The following AGO2 variants were observed in gnomAD, a reference collection of about 807,000 sequenced individuals.
AGO2 encodes argonaute RISC catalytic component 2.
A neutral mutation model predicts 102.3 loss-of-function variants in AGO2; 5 were observed. That is an observed-to-expected ratio of 0.05 (90% confidence interval 0.03 to 0.10). The LOEUF (loss-of-function observed/expected upper bound fraction) is 0.10. Among genes scored for constraint, AGO2 ranks in the 10% least tolerant of loss-of-function variants. The pLI is 1.00. For synonymous variants in AGO2, 449 were observed against 473.1 expected, an observed-to-expected ratio of 0.95 and a Z score of 0.66; for missense variants, 541 against 1,183.7, an observed-to-expected ratio of 0.46 and a Z score of 7.97.
At chr8:140,545,166 A>C in intron 13 of AGO2, among the ~76,000 whole-genome samples, 1 of 151,284 alleles carries the variant, frequency 6.6e-6, no homozygotes, top group South Asian at 2.1e-4. Context: ...ACATCCTCTC[A>C]CTCCCATCGC....
At chr8:140,554,425 C>T (rs939300801) in intron 10 of AGO2, among the ~76,000 whole-genome samples, 32 of 152,302 alleles carry the variant, frequency 2.1e-4, no homozygotes, top group African/African-American at 7.7e-4. Flanking sequence ...GGACAAGACA[C>T]ACACGAACAG....
At chr8:140,542,350 C>T (rs2072815369) in intron 14 of AGO2, among the ~76,000 whole-genome samples, 1 of 152,252 alleles carries the variant, frequency 6.6e-6, no homozygotes, top group African/African-American at 2.4e-5. Flanking sequence ...TAAATCCTTA[C>T]AGAACAAGTT....
chr8:140,568,103 CAAAAAAAAA>C (rs553804959), intron 3 of AGO2, among the ~76,000 whole-genome samples: 2 of 110,652 alleles, frequency 1.8e-5, no homozygotes, highest in African/African-American at 3.6e-5. Flanking sequence ...ACTAAAAATA[CAAAAAAAAA>C]AAAAAAAAAA....
At chr8:140,641,295 A>AACACACAC in the AGO2 span, among the ~76,000 whole-genome samples, 448 of 146,966 alleles carry the variant, frequency 3.0e-3, 2 homozygotes, top group African/African-American at 0.01. Context: ...GCTGTCTCAA[A>AACACACAC]ACACACACAC....
At chr8:140,542,404 C>T (rs547436746) in intron 14 of AGO2, among the ~76,000 whole-genome samples, 27 of 152,226 alleles carry the variant, frequency 1.8e-4, no homozygotes, top group African/African-American at 6.5e-4. Flanking sequence ...CTTTGTCCTG[C>T]CTTGGGCTAT....
intron 14 of AGO2, among the ~76,000 whole-genome samples, chr8:140,542,571 T>C (rs2072818884): frequency 7.0e-6 from 1 of 143,490 alleles, no homozygotes; most frequent in Non-Finnish European, 1.5e-5. Context: ...TCCTGAAAAC[T>C]TGAAAAAAAA....
At chr8:140,575,761 T>C (rs2073454408) in intron 2 of AGO2, among the ~76,000 whole-genome samples, 1 of 152,190 alleles carries the variant, frequency 6.6e-6, no homozygotes, top group Non-Finnish European at 1.5e-5. Context: ...TAAATCATCA[T>C]GTCAAAGTTC....
chr8:140,580,375 T>G (rs2073537546), intron 2 of AGO2, among the ~76,000 whole-genome samples: 1 of 152,240 alleles, frequency 6.6e-6, no homozygotes, highest in African/African-American at 2.4e-5. Flanking sequence ...TCATTAAACA[T>G]CTACCCGGGG....
At chr8:140,537,113 G>A (rs953254630) in intron 16 of AGO2, among the ~76,000 whole-genome samples, 1 of 152,136 alleles carries the variant, frequency 6.6e-6, no homozygotes, top group Non-Finnish European at 1.5e-5. Flanking sequence ...CTTCCACTTC[G>A]TTTCTACTGT....
intron 16 of AGO2, among the ~76,000 whole-genome samples, chr8:140,538,618 A>G (rs918821799): frequency 6.6e-6 from 1 of 151,732 alleles, no homozygotes; most frequent in Non-Finnish European, 1.5e-5. Flanking sequence ...CCTCAGCACC[A>G]CCTTCCAGCC....
intron 1 of AGO2, among the ~76,000 whole-genome samples, chr8:140,601,098 G>C (rs1261228201): frequency 6.6e-6 from 1 of 151,658 alleles, no homozygotes; most frequent in African/African-American, 2.4e-5. Flanking sequence ...AGGGCGACTG[G>C]GTCATCCCTC....
rs938177664 is a variant in AGO2 at position 140,635,544 on chromosome 8, CCG to C, written c.-40_-39del. On this transcript the variant is annotated 5_prime_UTR_variant, in exon 1 of 19. Coordinates refer to ENST00000220592, the MANE Select transcript of AGO2 (RefSeq NM_012154.5). ...GAGGGGCTCCGGGGCCGAGGGGCGG[CCG>C]CGCGCGCGCCACGGGCCCCGACGCC... The C allele has an allele frequency of 7.8e-5, 76 of 978,082 alleles. No individual in the cohort carries two copies. Among genetic ancestry groups the C allele is most frequent in the Non-Finnish European group, 9.2e-5 (76 of 826,478 alleles). 60.6% of individuals were successfully genotyped at this position (978,082 alleles called of 1,614,324 possible). A position where few individuals can be genotyped will look rare whatever the true frequency, so the allele number is the denominator to read the frequency against.
chr8:140,626,264 C>T lies in AGO2; in HGVS notation c.22+9221G>A, dbSNP rs918466006. 3.9e-5 allele frequency among the ~76,000 whole-genome samples: 6 copies of T among 152,196 alleles called. 1 individual carries two copies. The South Asian group carries it at 6.2e-4, about 16-fold the overall frequency. ...CAGGCCATCTTCTGTGTCCCTGGCC[C>T]GAGCCTCTCAAGGCCGCTGTGGACA... On this transcript the variant is annotated intron_variant, in intron 1 of 18. Coordinates refer to ENST00000220592, the MANE Select transcript of AGO2 (RefSeq NM_012154.5).
At chr8:140,550,049 G>A (rs2132907536) in intron 11 of AGO2, among the ~76,000 whole-genome samples, 1 of 152,334 alleles carries the variant, frequency 6.6e-6, no homozygotes, top group Middle Eastern at 3.4e-3. Flanking sequence ...AGGCCAAAGT[G>A]AAGGAAGGGG....
intron 10 of AGO2, 30 bp from the exon 11 acceptor site, chr8:140,551,466 A>C (rs768913028): frequency 6.7e-7 from 1 of 1,489,900 alleles, no homozygotes; most frequent in Non-Finnish European, 9.0e-7. Context: ...CAGGGTGAGA[A>C]AAAAATGGAA....
intron 1 of AGO2, among the ~76,000 whole-genome samples, chr8:140,631,388 GA>G (rs2074339780): frequency 6.6e-6 from 1 of 151,934 alleles, no homozygotes; most frequent in Non-Finnish European, 1.5e-5. Context: ...CCAAAAATAC[GA>G]AAATTAGCCG....
At chr8:140,634,655 G>A (rs912556886) in intron 1 of AGO2, among the ~76,000 whole-genome samples, 3 of 152,226 alleles carry the variant, frequency 2.0e-5, no homozygotes, top group Non-Finnish European at 4.4e-5. Flanking sequence ...GAGAAAGGCC[G>A]ACTAGCAACA....
At chr8:140,597,466 GCCCCCCC>G (rs2073862879) in intron 1 of AGO2, among the ~76,000 whole-genome samples, 1 of 48,424 alleles carries the variant, frequency 2.1e-5, no homozygotes, top group Non-Finnish European at 4.4e-5. Flanking sequence ...GGGCTGGGTG[GCCCCCCC>G]ACCCCCCCCC....
intron 12 of AGO2, among the ~76,000 whole-genome samples, chr8:140,548,042 G>C (rs1051000978): frequency 6.6e-6 from 1 of 152,206 alleles, no homozygotes; most frequent in Admixed American, 6.5e-5. Context: ...CTGGCCGGGC[G>C]CGGTGGCTCA....
Sources: gnomAD v4.1 joint callset for allele counts (sites outside exome capture counted in the v4.1 genomes callset) on GRCh38, gnomAD v4.1.1 for gene constraint, MANE v1.5 for transcripts, NCBI Gene and HGNC (gene_info 2026-07-23, HGNC 2026-07-21) for gene names.